The following LSMEM1 variants were observed in gnomAD, a reference collection of about 807,000 sequenced individuals.
LSMEM1 encodes leucine-rich single-pass membrane protein 1.
LSMEM1 carries 10 observed loss-of-function variants against 11.3 expected under a neutral mutation model. The ratio of observed to expected loss-of-function variants is 0.89; its 90% CI spans 0.55 to 1.50. The LOEUF (loss-of-function observed/expected upper bound fraction) is 1.50. Among genes scored for constraint, LSMEM1 ranks in the 40% most tolerant of loss-of-function variants. The pLI is 0.00. For missense variants in LSMEM1, 151 were observed against 152.9 expected (o/e 0.99, Z 0.06); for synonymous variants, 65 against 59.3 (o/e 1.10, Z -0.44).
upstream of LSMEM1, among the ~76,000 whole-genome samples, chr7:112,480,633 A>G (rs1796013579): frequency 6.6e-6 from 1 of 152,176 alleles, no homozygotes; most frequent in Non-Finnish European, 1.5e-5. Flanking sequence ...AGAAAGGAGG[A>G]TGTGCAGACA....
At chr7:112,486,833 C>G in intron 2 of LSMEM1, 90 bp from the exon 3 acceptor site, 1 of 1,542,846 alleles carries the variant, frequency 6.5e-7, no homozygotes, top group South Asian at 1.2e-5. Context: ...GTCCATTACT[C>G]ACGGTCTAAC....
chr7:112,480,947 G>T (rs1796020724), upstream of LSMEM1: 3 of 455,152 alleles, frequency 6.6e-6, no homozygotes, highest in South Asian at 4.7e-5. Context: ...TGGAAAGGTG[G>T]TGTCAGCTAA....
rs1796212314 is a variant in LSMEM1, at chr7:112,490,264, C to G, written c.*315C>G. 1 of 241,122 alleles carries G rather than the reference C, an allele frequency of 4.1e-6. No individual in the cohort carries two copies. The highest frequency in any genetic ancestry group is 5.1e-5 in the Admixed American group (1 of 19,624). The allele number at this position is 241,122 out of a possible 1,614,324, so 14.9% of individuals were successfully genotyped here. ...GAACTTGACTATGTACGTCCAACTT[C>G]TTACAGAAGGAGCTTTGCTACCAGA... is the stretch of plus-strand genomic sequence containing the variant. On this transcript the variant is annotated 3_prime_UTR_variant, in exon 4 of 4. Transcript: ENST00000312849.
chr7:112,486,836 G>A lies in LSMEM1; in HGVS notation c.128-87G>A, dbSNP rs535224075. ...GAAAGTGGGTGTGTCCATTACTCAC[G>A]GTCTAACACTGGGGTACTGTTCAGT... is the stretch of plus-strand genomic sequence containing the variant. On this transcript the variant is annotated intron_variant, in intron 2 of 3. Coordinates refer to ENST00000312849, the MANE Select transcript of LSMEM1 (RefSeq NM_182597.3). 1.7e-5 allele frequency: 27 copies of A among 1,551,658 alleles called. No homozygotes were observed. The East Asian group carries it at 2.3e-4, about 13-fold the overall frequency.
At chr7:112,485,064 A>G (rs1796103452) in intron 2 of LSMEM1, 121 bp downstream of exon 2, 1 of 1,197,260 alleles carries the variant, frequency 8.4e-7, no homozygotes, top group Non-Finnish European at 1.1e-6. Flanking sequence ...AGAGGTTGGC[A>G]CTGGAAATGT....
At chr7:112,489,450 C>T (rs1357814088) in intron 3 of LSMEM1, among the ~76,000 whole-genome samples, 1 of 152,170 alleles carries the variant, frequency 6.6e-6, no homozygotes, top group Non-Finnish European at 1.5e-5. Flanking sequence ...TGAGCAAAAA[C>T]CTTTTTCTGA....
chr7:112,481,866 A>G (rs1322214441), intron 1 of LSMEM1, among the ~76,000 whole-genome samples: 3 of 152,256 alleles, frequency 2.0e-5, no homozygotes, highest in Admixed American at 6.5e-5. Flanking sequence ...ATCTTGGTGA[A>G]TAAGCAAATT....
At chr7:112,480,676 G>A (rs1170849350), upstream of LSMEM1, among the ~76,000 whole-genome samples, 1 of 152,224 alleles carries the variant, frequency 6.6e-6, no homozygotes, top group Non-Finnish European at 1.5e-5. Context: ...AAGGAAAGGC[G>A]GCCGATGAGA....
intron 3 of LSMEM1, among the ~76,000 whole-genome samples, chr7:112,488,342 G>T (rs998604449): frequency 6.6e-6 from 1 of 152,060 alleles, no homozygotes; most frequent in African/African-American, 2.4e-5. Context: ...ATTAATACTG[G>T]GCATGTCATC....
At chr7:112,489,710 G>A (rs1796200978) in intron 3 of LSMEM1, 100 bp from the exon 4 acceptor site, 1 of 1,363,750 alleles carries the variant, frequency 7.3e-7, no homozygotes, top group Non-Finnish European at 1.0e-6. Context: ...TTTGCCAAGA[G>A]TGTCTTTCAG....
rs1322300374 is a variant in LSMEM1, at chr7:112,486,916, A to ATAT, written c.128-4_128-2dup. ...TTTGTCCTTGTTTTTTGTTTGTTTC[A>ATAT]TATTAGCTCTAGAGGACAAAATCCC... On this transcript the variant is annotated splice_polypyrimidine_tract_variant and splice_region_variant and intron_variant, in intron 2 of 3. Transcript: ENST00000312849. The ATAT allele has an allele frequency of 1.2e-6, 2 of 1,613,568 alleles. No homozygotes were observed. Among genetic ancestry groups the ATAT allele is most frequent in the Non-Finnish European group, 1.7e-6 (2 of 1,179,880 alleles).
At chr7:112,482,461 G>A (rs1011666088) in intron 1 of LSMEM1, among the ~76,000 whole-genome samples, 3 of 152,170 alleles carry the variant, frequency 2.0e-5, no homozygotes, top group African/African-American at 7.2e-5. Context: ...GGGAAGCTAA[G>A]GCTCAAGGCT....
intron 3 of LSMEM1, among the ~76,000 whole-genome samples, chr7:112,488,535 G>A (rs1796180643): frequency 6.6e-6 from 1 of 152,100 alleles, no homozygotes. Flanking sequence ...ACTGTGCTAA[G>A]CCCTTGATAC....
Position 112,482,083 on chromosome 7 carries a change from C to G in LSMEM1, c.-6+737C>G, listed in dbSNP as rs75822932. On this transcript the variant is annotated intron_variant, in intron 1 of 3. Transcript: ENST00000312849. ...TACTAGCAGCCTCATGAGTCATTTG[C>G]AAGTCATTTGCAGGCTCTTGGAGCC... Among the ~76,000 whole-genome samples the G allele has an allele frequency of 3.3e-5, 5 of 152,314 alleles. No individual in the cohort carries two copies. The East Asian group carries it at 9.6e-4, about 29-fold the overall frequency.
chr7:112,486,257 C>T (rs1796125089), intron 2 of LSMEM1: 1 of 321,678 alleles, frequency 3.1e-6, no homozygotes, highest in South Asian at 2.4e-5. Flanking sequence ...TCCTGGGTTA[C>T]TTTGGGAAAG....
rs1298836699 is a variant in LSMEM1, at chr7:112,489,976, T to C, written c.*27T>C. 20 of 1,604,114 alleles carry C rather than the reference T, an allele frequency of 1.2e-5. No homozygotes were observed. The highest frequency in any genetic ancestry group is 1.4e-5 in the Non-Finnish European group (16 of 1,176,210). Reference sequence around the variant, plus strand: ...GGAATGATTTTCTGAAAGCACCTGCTAACACCTTGAGCTTTTTACTTTCCT... The same window carrying C: ...GGAATGATTTTCTGAAAGCACCTGCCAACACCTTGAGCTTTTTACTTTCCT... On this transcript the variant is annotated 3_prime_UTR_variant, in exon 4 of 4. Coordinates refer to ENST00000312849, the MANE Select transcript of LSMEM1 (RefSeq NM_182597.3).
chr7:112,480,558 C>T (rs1311506967), upstream of LSMEM1, among the ~76,000 whole-genome samples: 1 of 152,182 alleles, frequency 6.6e-6, no homozygotes, highest in East Asian at 1.9e-4. Flanking sequence ...TTATGTACAG[C>T]AGAGGGCAGA....
chr7:112,488,505 G>C (rs1334758958), intron 3 of LSMEM1, among the ~76,000 whole-genome samples: 1 of 152,086 alleles, frequency 6.6e-6, no homozygotes, highest in Non-Finnish European at 1.5e-5. Context: ...TATATATTGA[G>C]TCATTACTCT....
intron 1 of LSMEM1, among the ~76,000 whole-genome samples, chr7:112,482,702 T>C (rs1054858898): frequency 6.6e-6 from 1 of 152,234 alleles, no homozygotes; most frequent in Non-Finnish European, 1.5e-5. Flanking sequence ...GCCTTGGTTT[T>C]AACTGCAAAA....
Sources: allele counts gnomAD v4.1 joint callset (sites outside exome capture counted in the v4.1 genomes callset), GRCh38; gene constraint gnomAD v4.1.1; transcripts MANE v1.5; gene names NCBI Gene and HGNC (gene_info 2026-07-23, HGNC 2026-07-21).